BPIFA2: variants seen among roughly 807,000 people sequenced by gnomAD.
BPIFA2 encodes the protein BPI fold-containing family A member 2.
Under a neutral mutation model 25.7 loss-of-function variants are expected in BPIFA2, and 20 were observed. The observed-to-expected ratio is 0.78, with a 90% confidence interval of 0.55 to 1.13. The LOEUF (loss-of-function observed/expected upper bound fraction) is 1.13, where lower values mean the gene tolerates loss of function less well. Ranked by LOEUF, BPIFA2 falls within the 50% of genes most tolerant of loss-of-function variation. BPIFA2 has a pLI of 0.00. For missense variants in BPIFA2, 300 were observed against 298.1 expected (o/e 1.01, Z -0.05); for synonymous variants, 126 against 124.3 (o/e 1.01, Z -0.09).
rs745353625 is a variant in BPIFA2 at position 33,172,984 on chromosome 20, T to G, written c.210T>G (p.Ala70=). The change falls in exon 3 of 9, where the codon GCT becomes GCG. Residue 70 remains alanine, a synonymous_variant. Coordinates refer to ENST00000354932, the MANE Select transcript of BPIFA2 (RefSeq NM_080574.4). ...TAGGAGTGCTTCAGAAATCCAGTGC[T>G]TGGCAACTGGCCAAGCAGAAGGCCC... is the stretch of plus-strand genomic sequence containing the variant. ...VDLGVLQKSS[A]WQLAKQKAQE... is the part of the protein sequence containing the mutation. 23 of 1,613,944 alleles carry G rather than the reference T, an allele frequency of 1.4e-5. No individual in the cohort carries two copies. Among genetic ancestry groups the G allele is most frequent in the Non-Finnish European group, 1.7e-5 (20 of 1,180,008 alleles).
intron 5 of BPIFA2, among the ~76,000 whole-genome samples, chr20:33,176,402 AGCAAGGCTGGGTCCTCAGCTCTCAGCC>A (rs1382803961): frequency 2.0e-4 from 30 of 152,234 alleles, no homozygotes; most frequent in African/African-American, 6.5e-4. Flanking sequence ...CTTGGCCAGG[AGCAAGGCTGGGTCCTCAGCTCTCAGCC>A]CCTGTGGCCA....
intron 5 of BPIFA2, 79 bp from the exon 6 acceptor site, chr20:33,178,068 G>A (rs933585758): frequency 2.3e-5 from 24 of 1,051,078 alleles, no homozygotes; most frequent in South Asian, 1.7e-4. Context: ...AGTATTTCCC[G>A]CACCGCCCCC....
At chr20:33,180,397 G>A (rs1424746383) in intron 7 of BPIFA2, 123 bp from the exon 8 acceptor site, 1 of 1,028,822 alleles carries the variant, frequency 9.7e-7, no homozygotes, top group Non-Finnish European at 1.5e-6. Context: ...GAGAGGTGGA[G>A]CAACATCCCT....
At chr20:33,180,705 C>A in intron 8 of BPIFA2, 108 bp downstream of exon 8, 1 of 871,324 alleles carries the variant, frequency 1.1e-6, no homozygotes, top group Non-Finnish European at 1.8e-6. Flanking sequence ...TCATCTCAGT[C>A]ATAGATTGAG....
intron 3 of BPIFA2, among the ~76,000 whole-genome samples, chr20:33,173,489 T>TTTA (rs1419186968): frequency 6.6e-6 from 1 of 151,962 alleles, no homozygotes; most frequent in Non-Finnish European, 1.5e-5. Context: ...CTCACATACT[T>TTTA]TTATTATTAT....
chr20:33,180,423 T>C (rs1984236628), intron 7 of BPIFA2, 97 bp from the exon 8 acceptor site: 8 of 1,365,470 alleles, frequency 5.9e-6, no homozygotes, highest in Non-Finnish European at 8.3e-6. Flanking sequence ...CCCACAACTG[T>C]CAGGTTACCG....
upstream of BPIFA2, among the ~76,000 whole-genome samples, chr20:33,164,473 C>A (rs1424765460): frequency 1.3e-5 from 2 of 152,088 alleles, no homozygotes; most frequent in African/African-American, 4.8e-5. Context: ...GAGAGTGGGA[C>A]TGGCGAGACG....
At chr20:33,179,260 T>C in intron 6 of BPIFA2, among the ~76,000 whole-genome samples, 1 of 151,876 alleles carries the variant, frequency 6.6e-6, no homozygotes. Flanking sequence ...TGAAACCCTG[T>C]CTCTACTGAA....
chr20:33,163,004 T>C (rs1041656746), intron 1 of BPIFA2, among the ~76,000 whole-genome samples: 1 of 152,230 alleles, frequency 6.6e-6, no homozygotes, highest in African/African-American at 2.4e-5. Flanking sequence ...GAACTGTACC[T>C]GCTTTGTGGA....
intron 1 of BPIFA2, 96 bp downstream of exon 1, chr20:33,168,305 A>G (rs1238415526): frequency 6.6e-6 from 1 of 152,458 alleles, no homozygotes; most frequent in Non-Finnish European, 1.5e-5. Context: ...TGGGTTAGCT[A>G]ATATTTTGAA....
chr20:33,173,767 G>A (rs1385785230), intron 3 of BPIFA2, among the ~76,000 whole-genome samples: 2 of 152,188 alleles, frequency 1.3e-5, no homozygotes, highest in Non-Finnish European at 1.5e-5. Context: ...GCCTCCCAAA[G>A]TGCTGGGATT....
At chr20:33,168,706 A>G (rs1983799155) in intron 1 of BPIFA2, among the ~76,000 whole-genome samples, 1 of 152,180 alleles carries the variant, frequency 6.6e-6, no homozygotes, top group Admixed American at 6.5e-5. Context: ...TCATCAGGGA[A>G]GTGTTATCCA....
At chr20:33,172,796 G>A in intron 2 of BPIFA2, 136 bp from the exon 3 acceptor site, 1 of 974,020 alleles carries the variant, frequency 1.0e-6, no homozygotes, top group Non-Finnish European at 1.5e-6. Flanking sequence ...AAAGCAGACA[G>A]TGACAATATC....
intron 7 of BPIFA2, among the ~76,000 whole-genome samples, chr20:33,180,099 T>A (rs1259680736): frequency 2.6e-5 from 4 of 151,628 alleles, no homozygotes; most frequent in Admixed American, 2.0e-4. Flanking sequence ...CCACCTGGAG[T>A]CCCAGCTACT....
At chr20:33,164,957 G>A (rs2146447945), upstream of BPIFA2, among the ~76,000 whole-genome samples, 1 of 152,396 alleles carries the variant, frequency 6.6e-6, no homozygotes, top group East Asian at 1.9e-4. Context: ...CAGTCCATAG[G>A]AAGTGGCTCT....
chr20:33,165,850 G>GGAGCAC (rs1282699015), upstream of BPIFA2, among the ~76,000 whole-genome samples: 32 of 152,124 alleles, frequency 2.1e-4, no homozygotes, highest in Admixed American at 2.1e-3. Context: ...AGGAGGAGGA[G>GGAGCAC]GAGCACACAG....
At chr20:33,163,597 C>A (rs1054692317), upstream of BPIFA2, among the ~76,000 whole-genome samples, 2 of 151,994 alleles carry the variant, frequency 1.3e-5, no homozygotes, top group African/African-American at 2.4e-5. Flanking sequence ...CTAAGGCAGG[C>A]GGATTACTTG....
chr20:33,170,866 G>A (rs1983875873), intron 2 of BPIFA2, among the ~76,000 whole-genome samples: 1 of 152,152 alleles, frequency 6.6e-6, no homozygotes, highest in South Asian at 2.1e-4. Context: ...ATGGTTTTGG[G>A]TTTTACATTT....
chr20:33,174,055 G>C (rs763143194), intron 3 of BPIFA2, 24 bp from the exon 4 acceptor site: 1 of 1,597,526 alleles, frequency 6.3e-7, no homozygotes, highest in South Asian at 1.1e-5. Flanking sequence ...GGAGTGACAA[G>C]GGTGAATTGT....
Sources: allele counts gnomAD v4.1 joint callset (sites outside exome capture counted in the v4.1 genomes callset), GRCh38; gene constraint gnomAD v4.1.1; transcripts MANE v1.5; gene names NCBI Gene and HGNC (gene_info 2026-07-23, HGNC 2026-07-21).